SCML4: variants seen among roughly 807,000 people sequenced by gnomAD.
SCML4 encodes the protein Scm polycomb group protein like 4, also known as sex comb on midleg-like protein 4.
A neutral mutation model predicts 41.1 loss-of-function variants in SCML4; 34 were observed. That is an observed-to-expected ratio of 0.83 (90% CI 0.63 to 1.10). The LOEUF (loss-of-function observed/expected upper bound fraction) is 1.10, where lower values mean the gene tolerates loss of function less well. SCML4 is among the 50% of genes least tolerant of loss of function. The pLI is 0.00. For synonymous variants in SCML4, 214 were observed against 220.9 expected (o/e 0.97, Z 0.28); for missense variants, 522 against 534.1 (o/e 0.98, Z 0.22).
chr6:107,789,927 C>T (rs1229753214), intron 1 of SCML4, among the ~76,000 whole-genome samples: 4 of 152,196 alleles, frequency 2.6e-5, no homozygotes, highest in Non-Finnish European at 4.4e-5. Context: ...ATTAAATTCT[C>T]ACTACAAGAC....
At chr6:107,744,402 G>A (rs377225876) in intron 5 of SCML4, among the ~76,000 whole-genome samples, 3 of 152,166 alleles carry the variant, frequency 2.0e-5, no homozygotes, top group East Asian at 1.9e-4. Context: ...TGATGAGAAC[G>A]AAACACTAAC....
chr6:107,722,506 T>G (rs996589876), intron 5 of SCML4, among the ~76,000 whole-genome samples: 1 of 152,078 alleles, frequency 6.6e-6, no homozygotes, highest in Non-Finnish European at 1.5e-5. Flanking sequence ...AAACAGATCT[T>G]GGTATGCCCA....
intron 1 of SCML4, among the ~76,000 whole-genome samples, chr6:107,785,872 C>T (rs899436227): frequency 6.6e-6 from 1 of 152,114 alleles, no homozygotes; most frequent in African/African-American, 2.4e-5. Context: ...ACAAAACAGC[C>T]AAGGGAGGGG....
At chr6:107,822,473 A>T (rs1358152117) in intron 1 of SCML4, among the ~76,000 whole-genome samples, 2 of 146,432 alleles carry the variant, frequency 1.4e-5, no homozygotes, top group Non-Finnish European at 1.5e-5. Context: ...TTGTCTTTCT[A>T]TTACCGTTCA....
chr6:107,708,467 T>A (rs139300297), intron 6 of SCML4, among the ~76,000 whole-genome samples: 8 of 152,304 alleles, frequency 5.3e-5, no homozygotes, highest in African/African-American at 1.9e-4. Flanking sequence ...GGGTCCTTTC[T>A]GCCTCCATGG....
chr6:107,778,223 AT>A (rs1425260436), intron 1 of SCML4, among the ~76,000 whole-genome samples: 287 of 2,928 alleles, frequency 0.098, 19 homozygotes, highest in South Asian at 0.12. Flanking sequence ...AAAAAAAAAA[AT>A]ATATATATAT....
chr6:107,716,753 A>C (rs1241491759), intron 6 of SCML4, among the ~76,000 whole-genome samples: 3 of 152,292 alleles, frequency 2.0e-5, no homozygotes, highest in Non-Finnish European at 4.4e-5. Context: ...CCTAACTTCC[A>C]TCTGGAATCA....
At chr6:107,800,909 G>A (rs6941259) in intron 1 of SCML4, among the ~76,000 whole-genome samples, 8,603 of 152,240 alleles carry the variant, frequency 0.057, 712 homozygotes, top group African/African-American at 0.18. Flanking sequence ...TATTTGATTT[G>A]GGAGCAAGTG....
chr6:107,793,651 T>C (rs1782506088), intron 1 of SCML4, among the ~76,000 whole-genome samples: 1 of 152,192 alleles, frequency 6.6e-6, no homozygotes, highest in Admixed American at 6.5e-5. Flanking sequence ...TTACAGCCTA[T>C]TGAAATAACA....
Position 107,703,028 on chromosome 6 carries a change from A to G in SCML4, c.*2172T>C, listed in dbSNP as rs1357408582. ...GACCTCTGGTTGTCCTCGCTGCTATACTACCACCAGTGCCATGACGGTTTA... is the reference window on the plus strand; with the variant it reads ...GACCTCTGGTTGTCCTCGCTGCTATGCTACCACCAGTGCCATGACGGTTTA... On this transcript the variant is annotated 3_prime_UTR_variant, in exon 8 of 8. Coordinates refer to ENST00000369020, the MANE Select transcript of SCML4 (RefSeq NM_198081.5). 6.6e-6 allele frequency among the ~76,000 whole-genome samples: 1 copy of G among 152,228 alleles called. No individual in the cohort carries two copies. The highest frequency in any genetic ancestry group is 1.9e-4 in the East Asian group (1 of 5,204).
intron 1 of SCML4, among the ~76,000 whole-genome samples, chr6:107,781,503 C>G (rs1202172924): frequency 6.6e-6 from 1 of 151,930 alleles, no homozygotes; most frequent in African/African-American, 2.4e-5. Context: ...AAAAATTAGC[C>G]TAGTATGGTG....
rs565780953 is a variant in SCML4, at chr6:107,757,986, G to T, written c.157-8173C>A. ...CATGCTTCCAATCCATCTTGAAATG[G>T]TTCCTAAGTGTTGCTTATGTAATAC... On this transcript the variant is annotated intron_variant, in intron 2 of 7. Transcript: ENST00000369020. 1.2e-3 allele frequency among the ~76,000 whole-genome samples: 177 copies of T among 152,194 alleles called. 1 individual carries two copies. Among genetic ancestry groups the T allele is most frequent in the African/African-American group, 4.0e-3 (168 of 41,524 alleles).
At chr6:107,772,062 C>T (rs1238372352) in intron 2 of SCML4, 110 bp downstream of exon 2, 1 of 913,612 alleles carries the variant, frequency 1.1e-6, no homozygotes, top group African/African-American at 1.7e-5. Flanking sequence ...ATTTCTCATC[C>T]TGTCTCTACC....
At chr6:107,726,587 G>T (rs1017487053) in intron 5 of SCML4, among the ~76,000 whole-genome samples, 1 of 139,568 alleles carries the variant, frequency 7.2e-6, no homozygotes, top group East Asian at 2.1e-4. Context: ...AAGACAACCC[G>T]ATTTTAAAAT....
chr6:107,814,197 C>T (rs1407574031), intron 1 of SCML4, among the ~76,000 whole-genome samples: 7 of 152,338 alleles, frequency 4.6e-5, no homozygotes, highest in Admixed American at 6.5e-5. Context: ...TCCCTTACCT[C>T]GTTCTTACGT....
intron 1 of SCML4, among the ~76,000 whole-genome samples, chr6:107,785,431 T>G (rs1283309392): frequency 6.6e-5 from 10 of 152,210 alleles, no homozygotes; most frequent in African/African-American, 2.4e-4. Flanking sequence ...TTAGACAGGG[T>G]GAGGCAGAAA....
At chr6:107,778,979 G>C (rs1751865641) in intron 1 of SCML4, among the ~76,000 whole-genome samples, 2 of 152,082 alleles carry the variant, frequency 1.3e-5, no homozygotes, top group South Asian at 4.1e-4. Context: ...AGGAGATCAA[G>C]ACCATCCTGG....
At chr6:107,798,063 T>C (rs1433934939) in intron 1 of SCML4, among the ~76,000 whole-genome samples, 1 of 151,996 alleles carries the variant, frequency 6.6e-6, no homozygotes, top group Non-Finnish European at 1.5e-5. Flanking sequence ...GCATGAAGGA[T>C]ATTGGTTTAC....
chr6:107,750,648 G>T (rs76744560), intron 2 of SCML4, among the ~76,000 whole-genome samples: 1 of 152,142 alleles, frequency 6.6e-6, no homozygotes, highest in African/African-American at 2.4e-5. Flanking sequence ...TCACACATCC[G>T]GAGTTTTTAA....
Sources: gnomAD v4.1 joint callset for allele counts (sites outside exome capture counted in the v4.1 genomes callset) on GRCh38, gnomAD v4.1.1 for gene constraint, MANE v1.5 for transcripts, NCBI Gene and HGNC (gene_info 2026-07-23, HGNC 2026-07-21) for gene names.